The following CSMD2 variants were observed in gnomAD, a reference collection of about 807,000 sequenced individuals.
CSMD2 encodes the protein CUB and Sushi multiple domains 2.
A neutral mutation model predicts 398.5 loss-of-function variants in CSMD2; 130 were observed. That is an observed-to-expected ratio of 0.33 (90% confidence interval 0.28 to 0.38). The LOEUF is 0.38. Among genes scored for constraint, CSMD2 ranks in the 10% least tolerant of loss-of-function variants. The pLI is 1.00. For missense variants in CSMD2, 3,829 were observed against 4,764.9 expected (o/e 0.80, Z 5.78); for synonymous variants, 1,828 against 1,908.5 (o/e 0.96, Z 1.10).
intron 19 of CSMD2, among the ~76,000 whole-genome samples, chr1:33,718,961 A>G (rs1370865523): frequency 6.6e-6 from 1 of 152,216 alleles, no homozygotes; most frequent in East Asian, 1.9e-4. Flanking sequence ...AGAAGCATCA[A>G]GGCCTAAGCA....
intron 5 of CSMD2, among the ~76,000 whole-genome samples, chr1:33,912,395 G>A (rs903496410): frequency 7.1e-6 from 1 of 141,394 alleles, no homozygotes; most frequent in African/African-American, 2.9e-5. Context: ...AGCTTTGGAC[G>A]ACCCCCGCAT....
rs79936966 is a variant in CSMD2 at position 33,726,450 on chromosome 1, G to A, written c.2507+97C>T. On this transcript the variant is annotated intron_variant, in intron 16 of 70. Transcript: ENST00000373381. ...TCTCCAACCTTGCTGACATTTCAGCGTTGGTACTGGTCCCCTATCCACCCT... is the reference window on the plus strand; with the variant it reads ...TCTCCAACCTTGCTGACATTTCAGCATTGGTACTGGTCCCCTATCCACCCT... 2.2e-3 allele frequency: 2,975 copies of A among 1,376,396 alleles called. 62 individuals are homozygous for A. The African/African-American group carries it at 0.037, about 17-fold the overall frequency. The allele number at this position is 1,376,396 out of a possible 1,614,324, so 85.3% of individuals were successfully genotyped here.
chr1:33,865,399 C>A (rs1036004085), intron 5 of CSMD2, among the ~76,000 whole-genome samples: 237 of 120,672 alleles, frequency 2.0e-3, no homozygotes, highest in Admixed American at 2.3e-3. Context: ...CAGATTTTAC[C>A]AAAAAAAAAA....
chr1:33,804,850 C>T (rs905653044), intron 10 of CSMD2: 11 of 717,368 alleles, frequency 1.5e-5, no homozygotes, highest in African/African-American at 3.5e-5. Context: ...TGAGTTTCCA[C>T]ACTTAGACCC....
At position 33,514,097 on chromosome 1, in the gene CSMD2, G is replaced by C. The variant is rs1355612063; in HGVS notation, c.*2527C>G. 1 of 152,438 alleles carries C rather than the reference G, an allele frequency of 6.6e-6. No individual in the cohort carries two copies. The highest frequency in any genetic ancestry group is 1.5e-5 in the Non-Finnish European group (1 of 68,004). The allele number at this position is 152,438 out of a possible 1,614,324, so 9.4% of individuals were successfully genotyped here. On this transcript the variant is annotated 3_prime_UTR_variant, in exon 71 of 71. Transcript: ENST00000373381. ...AGTACCATAATGCAGGACCCCAGGG[G>C]GAAGCCTCATATACAGAGACAGATA...
intron 2 of CSMD2, among the ~76,000 whole-genome samples, chr1:34,076,928 A>AAATATATATAT (rs1232288848): frequency 3.7e-5 from 2 of 53,600 alleles, no homozygotes; most frequent in Non-Finnish European, 6.4e-5. Context: ...AAAAAAAAAA[A>AAATATATATAT]ATATATATAT....
At chr1:33,572,163 G>T (rs1387625758) in intron 50 of CSMD2, among the ~76,000 whole-genome samples, 3 of 152,164 alleles carry the variant, frequency 2.0e-5, no homozygotes, top group Non-Finnish European at 4.4e-5. Context: ...AGTCGAGGAG[G>T]TTGCCATTTT....
At chr1:33,775,188 G>A (rs1651811048) in intron 12 of CSMD2, among the ~76,000 whole-genome samples, 1 of 152,048 alleles carries the variant, frequency 6.6e-6, no homozygotes, top group Non-Finnish European at 1.5e-5. Context: ...TACAATTAAT[G>A]CCATAAATCC....
chr1:33,557,656 A>G (rs1658151525), intron 55 of CSMD2, 78 bp downstream of exon 55: 1 of 1,087,798 alleles, frequency 9.2e-7, no homozygotes, highest in Non-Finnish European at 1.3e-6. Flanking sequence ...ACACACACAC[A>G]CACATGCACA....
intron 5 of CSMD2, among the ~76,000 whole-genome samples, chr1:33,895,728 C>T (rs1223495107): frequency 1.3e-5 from 2 of 152,106 alleles, no homozygotes; most frequent in African/African-American, 2.4e-5. Context: ...AGGGGGATGC[C>T]GCATCTCATC....
rs540651552 is a variant in CSMD2, at chr1:33,843,259, C to T, written c.1033+3625G>A. Among the ~76,000 whole-genome samples the T allele has an allele frequency of 8.3e-4, 127 of 152,254 alleles. 2 individuals are homozygous for T. The highest frequency in any genetic ancestry group is 2.8e-3 in the African/African-American group (118 of 41,554). ...GTTGCCTACCTCCTGATAACCAGTC[C>T]GAAGCAGAGCCCGACTAGAACTCAG... On this transcript the variant is annotated intron_variant, in intron 6 of 70. Coordinates refer to ENST00000373381, the MANE Select transcript of CSMD2 (RefSeq NM_001281956.2).
chr1:33,576,692 C>G (rs553032039), intron 49 of CSMD2, among the ~76,000 whole-genome samples: 43 of 152,236 alleles, frequency 2.8e-4, no homozygotes, highest in Non-Finnish European at 4.7e-4. Context: ...CACGGATGAT[C>G]CTATTTTTAT....
intron 11 of CSMD2, among the ~76,000 whole-genome samples, chr1:33,791,811 C>G (rs951069999): frequency 6.6e-6 from 1 of 152,120 alleles, no homozygotes. Context: ...TCAAGTCAGG[C>G]TATTGGTGGT....
chr1:33,807,376 A>G (rs541597610), intron 10 of CSMD2, among the ~76,000 whole-genome samples: 1 of 152,338 alleles, frequency 6.6e-6, no homozygotes, highest in South Asian at 2.1e-4. Context: ...AAACCTGCAC[A>G]TGTACCCCCG....
At chr1:34,136,156 A>G (rs189197575) in intron 1 of CSMD2, among the ~76,000 whole-genome samples, 3 of 152,334 alleles carry the variant, frequency 2.0e-5, no homozygotes, top group Admixed American at 6.5e-5. Flanking sequence ...TCTATACTTT[A>G]TCTTCAGTCA....
chr1:33,534,680 T>C lies in CSMD2; in HGVS notation c.9880-773A>G, dbSNP rs115265801. On this transcript the variant is annotated intron_variant, in intron 62 of 70. Transcript: ENST00000373381. ...TGTCCCTATTACCTACTGGAGCATG[T>C]GCAAATGCAATGTGTAACTCTTAAA... 6.5e-4 allele frequency among the ~76,000 whole-genome samples: 99 copies of C among 152,380 alleles called. 1 individual carries two copies. Among genetic ancestry groups the C allele is most frequent in the African/African-American group, 2.1e-3 (89 of 41,592 alleles).
intron 21 of CSMD2, among the ~76,000 whole-genome samples, chr1:33,711,531 G>T (rs554399473): frequency 6.6e-6 from 1 of 152,188 alleles, no homozygotes; most frequent in Non-Finnish European, 1.5e-5. Flanking sequence ...TGTCCCAGGT[G>T]AATCTACATG....
intron 53 of CSMD2, among the ~76,000 whole-genome samples, chr1:33,562,564 C>T (rs919918974): frequency 1.7e-4 from 26 of 152,248 alleles, no homozygotes; most frequent in African/African-American, 5.1e-4. Flanking sequence ...TGTAGGCAAC[C>T]GTCTCAAGCA....
At chr1:33,598,078 G>C (rs1190329277) in intron 44 of CSMD2, among the ~76,000 whole-genome samples, 1 of 152,132 alleles carries the variant, frequency 6.6e-6, no homozygotes, top group East Asian at 1.9e-4. Context: ...GAAAAGCAAT[G>C]AATATTAACC....
Sources: allele counts gnomAD v4.1 joint callset (sites outside exome capture counted in the v4.1 genomes callset), GRCh38; gene constraint gnomAD v4.1.1; transcripts MANE v1.5; gene names NCBI Gene and HGNC (gene_info 2026-07-23, HGNC 2026-07-21).